The following PRKCE variants were observed in gnomAD, a reference collection of about 807,000 sequenced individuals.
PRKCE encodes protein kinase C epsilon, also known as protein kinase C epsilon type.
In PRKCE, 16 loss-of-function variants were observed where a neutral mutation model predicts 85.4. The observed-to-expected ratio is 0.19, with a 90% CI of 0.13 to 0.28. The LOEUF (loss-of-function observed/expected upper bound fraction) is 0.28. Among genes scored for constraint, PRKCE ranks in the 10% least tolerant of loss-of-function variants. The probability of loss-of-function intolerance (pLI) is 1.00; values close to 1 mark genes in which losing one functional copy is unlikely to be tolerated. For missense variants in PRKCE, 573 were observed against 975.2 expected, an observed-to-expected ratio of 0.59 and a Z score of 5.49; for synonymous variants, 388 against 371.5, an observed-to-expected ratio of 1.04 and a Z score of -0.51.
chr2:46,080,531 C>A (rs1275359481), intron 10 of PRKCE, among the ~76,000 whole-genome samples: 1 of 152,186 alleles, frequency 6.6e-6, no homozygotes, highest in Non-Finnish European at 1.5e-5. Context: ...GGTGGGTGTT[C>A]AAGAACTCAG....
intron 12 of PRKCE, among the ~76,000 whole-genome samples, chr2:46,147,151 GA>G (rs1676147377): frequency 6.6e-6 from 1 of 152,198 alleles, no homozygotes; most frequent in Non-Finnish European, 1.5e-5. Flanking sequence ...GAGATCTAAA[GA>G]GTAGGGATTT....
In PRKCE at chr2:46,185,573, A is replaced by C. The variant is rs1278761585; in HGVS notation, c.*692A>C. 1 of 152,702 alleles carries C rather than the reference A, an allele frequency of 6.5e-6. No individual in the cohort carries two copies. The highest frequency in any genetic ancestry group is 1.9e-4 in the East Asian group (1 of 5,208). 9.5% of individuals were successfully genotyped at this position (152,702 alleles called of 1,614,324 possible). A position where few individuals can be genotyped will look rare whatever the true frequency, so the allele number is the denominator to read the frequency against. ...AGAAACAGGGTTTTGAACTCTGTTAACATTTGAAAAATATATTTTCAAATT... is the reference window on the plus strand; with the variant it reads ...AGAAACAGGGTTTTGAACTCTGTTACCATTTGAAAAATATATTTTCAAATT... On this transcript the variant is annotated 3_prime_UTR_variant, in exon 15 of 15. Transcript: ENST00000306156. The surrounding 1 kb of genome is among the most constrained non-coding windows in gnomAD (Gnocchi z 4.7).
chr2:45,915,749 G>C (rs568923250), intron 2 of PRKCE, among the ~76,000 whole-genome samples: 39 of 152,264 alleles, frequency 2.6e-4, no homozygotes, highest in Non-Finnish European at 2.5e-4. Flanking sequence ...ATGTGCCCTT[G>C]GTCTCATGTA....
chr2:45,745,284 G>C (rs1175364409), intron 1 of PRKCE, among the ~76,000 whole-genome samples: 3 of 152,184 alleles, frequency 2.0e-5, no homozygotes, highest in Admixed American at 6.5e-5. Flanking sequence ...CCGGGACACA[G>C]ATACCTTAGT....
At chr2:45,796,564 C>T (rs969962907) in intron 1 of PRKCE, among the ~76,000 whole-genome samples, 2 of 152,158 alleles carry the variant, frequency 1.3e-5, no homozygotes, top group African/African-American at 4.8e-5. Flanking sequence ...GGGCAATCTG[C>T]TTCCAGGCCA....
At chr2:45,872,845 G>C (rs938967330) in intron 2 of PRKCE, among the ~76,000 whole-genome samples, 24 of 152,206 alleles carry the variant, frequency 1.6e-4, no homozygotes, top group African/African-American at 5.5e-4. Context: ...GTTGGGGTGG[G>C]CATGGAGGGG....
At chr2:45,751,853 T>TGTCGCCCAGGCTGGA (rs1172982569) in intron 1 of PRKCE, among the ~76,000 whole-genome samples, 1 of 134,350 alleles carries the variant, frequency 7.4e-6, no homozygotes, top group Non-Finnish European at 1.6e-5. Context: ...AGGCTCGCTC[T>TGTCGCCCAGGCTGGA]GTCGCCCAGG....
At chr2:45,898,363 C>T (rs565079133) in intron 2 of PRKCE, among the ~76,000 whole-genome samples, 2 of 152,252 alleles carry the variant, frequency 1.3e-5, no homozygotes, top group South Asian at 2.1e-4. Flanking sequence ...TTAGGATCTA[C>T]CTGCTGGAAG....
At chr2:46,046,352 C>T (rs1708522641) in intron 10 of PRKCE, among the ~76,000 whole-genome samples, 1 of 152,184 alleles carries the variant, frequency 6.6e-6, no homozygotes, top group African/African-American at 2.4e-5. Flanking sequence ...AGATCATTTC[C>T]CCCAACAATA....
chr2:46,124,136 C>A (rs1323595755), intron 11 of PRKCE, among the ~76,000 whole-genome samples: 1 of 152,116 alleles, frequency 6.6e-6, no homozygotes, highest in Non-Finnish European at 1.5e-5. Context: ...ACCAGCCTGG[C>A]CAACATGGTG....
At chr2:46,154,631 T>C (rs1677019968) in intron 13 of PRKCE, among the ~76,000 whole-genome samples, 1 of 152,164 alleles carries the variant, frequency 6.6e-6, no homozygotes, top group South Asian at 2.1e-4. Flanking sequence ...TCCTCTGGCA[T>C]TGGGCGGCTG....
chr2:45,812,852 T>C (rs1026074794), intron 1 of PRKCE, among the ~76,000 whole-genome samples: 2 of 152,220 alleles, frequency 1.3e-5, no homozygotes, highest in African/African-American at 4.8e-5. Context: ...GAGGAAAGAC[T>C]CATGTGAAAC....
chr2:45,716,955 A>T (rs1415094140), intron 1 of PRKCE, among the ~76,000 whole-genome samples: 1 of 152,244 alleles, frequency 6.6e-6, no homozygotes, highest in Admixed American at 6.5e-5. Context: ...ACTCACTATC[A>T]TGAGAATAGC....
rs903494716 is a variant in PRKCE, at chr2:45,858,999, G to A, written c.412+15936G>A. On this transcript the variant is annotated intron_variant, in intron 2 of 14. Coordinates refer to ENST00000306156, the MANE Select transcript of PRKCE (RefSeq NM_005400.3). ...GAGGTTACAGTGAGCCAAGGTCAGG[G>A]CGTTGTATTCCAGCCTGGGCAACAG... 3.3e-5 allele frequency among the ~76,000 whole-genome samples: 5 copies of A among 151,442 alleles called. 1 individual carries two copies. Among genetic ancestry groups the A allele is most frequent in the African/African-American group, 4.9e-5 (2 of 41,174 alleles).
At chr2:45,973,508 CT>C (rs1295448261) in intron 2 of PRKCE, among the ~76,000 whole-genome samples, 1 of 152,132 alleles carries the variant, frequency 6.6e-6, no homozygotes, top group Non-Finnish European at 1.5e-5. Flanking sequence ...GCAGATGCTC[CT>C]TTGGGGCAAT....
At chr2:46,092,807 G>C (rs554242643) in intron 11 of PRKCE, among the ~76,000 whole-genome samples, 12 of 152,342 alleles carry the variant, frequency 7.9e-5, no homozygotes, top group African/African-American at 2.9e-4. Context: ...AGAGGGGAAA[G>C]TGTGTGCCTT....
At chr2:46,035,280 C>T (rs891767929) in intron 10 of PRKCE, among the ~76,000 whole-genome samples, 2 of 152,244 alleles carry the variant, frequency 1.3e-5, no homozygotes, top group African/African-American at 4.8e-5. Context: ...TTGAAGCTGG[C>T]CTGAAAGGCC....
At chr2:45,695,141 G>A (rs1200370632) in intron 1 of PRKCE, among the ~76,000 whole-genome samples, 1 of 152,194 alleles carries the variant, frequency 6.6e-6, no homozygotes, top group African/African-American at 2.4e-5. Flanking sequence ...TGTACAGAAG[G>A]AAGGTTATTG....
chr2:46,075,198 G>A (rs1052485715), intron 10 of PRKCE, among the ~76,000 whole-genome samples: 17 of 151,878 alleles, frequency 1.1e-4, no homozygotes, highest in Non-Finnish European at 2.2e-4. Context: ...GCACCACCAC[G>A]CCCGGCTAAC....
Sources: gnomAD v4.1 joint callset for allele counts (sites outside exome capture counted in the v4.1 genomes callset) on GRCh38, gnomAD v4.1.1 for gene constraint, Gnocchi (gnomAD v3.1) non-coding constraint, MANE v1.5 for transcripts, NCBI Gene and HGNC (gene_info 2026-07-23, HGNC 2026-07-21) for gene names.